KIF6: variants seen among roughly 807,000 people sequenced by gnomAD.
The protein encoded by KIF6 is kinesin family member 6.
In KIF6, 106 loss-of-function variants were observed where a neutral mutation model predicts 112.7. The observed-to-expected ratio is 0.94, with a 90% CI of 0.80 to 1.11. KIF6 has a LOEUF of 1.11. Among genes scored for constraint, KIF6 ranks in the 50% least tolerant of loss-of-function variants. The pLI, the probability that KIF6 is intolerant of heterozygous loss-of-function variation, is 0.00. For missense variants in KIF6, 929 were observed against 964.0 expected (o/e 0.96, Z 0.48); for synonymous variants, 339 against 339.9 (o/e 1.00, Z 0.03).
At chr6:39,340,365 G>T (rs1255663647) in intron 22 of KIF6, among the ~76,000 whole-genome samples, 3 of 152,114 alleles carry the variant, frequency 2.0e-5, no homozygotes, top group Non-Finnish European at 4.4e-5. Flanking sequence ...GTCAATGCTG[G>T]TTCCTGTTCC....
chr6:39,443,574 GCTGGGA>G (rs1393874637), intron 13 of KIF6, among the ~76,000 whole-genome samples: 1 of 152,016 alleles, frequency 6.6e-6, no homozygotes, highest in Non-Finnish European at 1.5e-5. Flanking sequence ...CTCCCAAGTA[GCTGGGA>G]CCAGAAGTGT....
At chr6:39,538,543 C>T (rs1778585764) in intron 13 of KIF6, among the ~76,000 whole-genome samples, 1 of 151,976 alleles carries the variant, frequency 6.6e-6, no homozygotes, top group Non-Finnish European at 1.5e-5. Flanking sequence ...GTTAGAATGG[C>T]CATCATTAAA....
chr6:39,387,475 C>T lies in KIF6; in HGVS notation c.1811-1803G>A, dbSNP rs114081702. On this transcript the variant is annotated intron_variant, in intron 15 of 22. Coordinates refer to ENST00000287152, the MANE Select transcript of KIF6 (RefSeq NM_145027.6). ...GTGCCTTGGTTTCCATGTGTCCCTACTGGAGAGAATTATGCATAGAGAGCG... is the reference window on the plus strand; with the variant it reads ...GTGCCTTGGTTTCCATGTGTCCCTATTGGAGAGAATTATGCATAGAGAGCG... Among the ~76,000 whole-genome samples, 880 of 152,238 alleles carry T rather than the reference C, an allele frequency of 5.8e-3. 11 individuals are homozygous for T. Among genetic ancestry groups the T allele is most frequent in the African/African-American group, 0.02 (820 of 41,528 alleles).
intron 6 of KIF6, among the ~76,000 whole-genome samples, chr6:39,602,483 T>C (rs1264816980): frequency 6.6e-6 from 1 of 152,172 alleles, no homozygotes; most frequent in East Asian, 1.9e-4. Flanking sequence ...GGACAGGGAC[T>C]GTGTCTTATG....
chr6:39,514,723 A>C (rs1478279663), intron 13 of KIF6, among the ~76,000 whole-genome samples: 1 of 152,324 alleles, frequency 6.6e-6, no homozygotes, highest in Admixed American at 6.5e-5. Context: ...CATTTATAAA[A>C]CTACTTGGAT....
intron 3 of KIF6, among the ~76,000 whole-genome samples, chr6:39,679,247 A>C (rs1321258216): frequency 6.6e-6 from 1 of 152,244 alleles, no homozygotes; most frequent in African/African-American, 2.4e-5. Context: ...ACATGAATTC[A>C]CATGGCCAAA....
chr6:39,681,814 G>T (rs566784967), intron 3 of KIF6, among the ~76,000 whole-genome samples: 7 of 152,156 alleles, frequency 4.6e-5, no homozygotes, highest in Non-Finnish European at 7.3e-5. Flanking sequence ...CCAATAGCAT[G>T]CCCCGTGGAA....
At chr6:39,358,631 T>C (rs1159792037) in intron 18 of KIF6, among the ~76,000 whole-genome samples, 1 of 152,242 alleles carries the variant, frequency 6.6e-6, no homozygotes, top group African/African-American at 2.4e-5. Flanking sequence ...GAAGGCCTCA[T>C]TCACTGATGA....
intron 9 of KIF6, among the ~76,000 whole-genome samples, chr6:39,579,503 T>A (rs7767357): frequency 1.9e-4 from 29 of 152,110 alleles, no homozygotes; most frequent in Non-Finnish European, 3.4e-4. Flanking sequence ...GCAATGCACC[T>A]GTTTTCTCTC....
chr6:39,664,362 T>C (rs1786329526), intron 3 of KIF6, among the ~76,000 whole-genome samples: 2 of 152,174 alleles, frequency 1.3e-5, no homozygotes, highest in South Asian at 4.1e-4. Flanking sequence ...ATTCTGAGAC[T>C]GAAAACTATT....
At chr6:39,633,462 G>C (rs1036129876) in intron 5 of KIF6, among the ~76,000 whole-genome samples, 3 of 152,150 alleles carry the variant, frequency 2.0e-5, no homozygotes, top group African/African-American at 7.2e-5. Context: ...TGTGGGCATT[G>C]GATTAAGTAA....
At chr6:39,360,906 T>C (rs557150530) in intron 17 of KIF6, among the ~76,000 whole-genome samples, 59 of 152,320 alleles carry the variant, frequency 3.9e-4, no homozygotes, top group African/African-American at 1.3e-3. Context: ...ACTATGATTA[T>C]CACCTCCATT....
At chr6:39,577,780 T>C (rs1781050286) in intron 10 of KIF6, among the ~76,000 whole-genome samples, 1 of 152,210 alleles carries the variant, frequency 6.6e-6, no homozygotes, top group Non-Finnish European at 1.5e-5. Flanking sequence ...GCATGACTAT[T>C]ATACAATTCC....
At chr6:39,401,097 C>CA (rs1354127778) in intron 15 of KIF6, among the ~76,000 whole-genome samples, 4 of 152,188 alleles carry the variant, frequency 2.6e-5, no homozygotes, top group Non-Finnish European at 5.9e-5. Flanking sequence ...GTTGCACGTA[C>CA]ATGAAGAAGA....
At position 39,337,175 on chromosome 6, in the gene KIF6, CTTTCTTTCTTT is replaced by C. The variant is rs1562102535; in HGVS notation, c.2429-638_2429-628del. Among the ~76,000 whole-genome samples the C allele has an allele frequency of 2.8e-3, 163 of 57,694 alleles. 4 individuals are homozygous for C. The highest frequency in any genetic ancestry group is 8.9e-3 in the Middle Eastern group (1 of 112). 37.8% of individuals were successfully genotyped at this position (57,694 alleles called of 152,430 possible). On this transcript the variant is annotated intron_variant, in intron 22 of 22. Transcript: ENST00000287152. ...CTTTCTTTTCTTTCTTTCCTTCCTTCTTTCTTTCTTTCTTTCTTTCTTTCTTTCTTTCTTTC... is the reference window on the plus strand; with the variant it reads ...CTTTCTTTTCTTTCTTTCCTTCCTTCCTTTCTTTCTTTCTTTCTTTCTTTC...
chr6:39,432,253 A>C (rs1771217680), intron 13 of KIF6, among the ~76,000 whole-genome samples: 1 of 152,218 alleles, frequency 6.6e-6, no homozygotes, highest in Non-Finnish European at 1.5e-5. Context: ...GGCATTTAGA[A>C]GGTGCTCAGC....
intron 13 of KIF6, among the ~76,000 whole-genome samples, chr6:39,499,885 C>G (rs954356149): frequency 3.3e-5 from 5 of 152,190 alleles, no homozygotes; most frequent in Admixed American, 2.6e-4. Flanking sequence ...TATAAGCTCC[C>G]TATCACAAGA....
intron 13 of KIF6, 28 bp downstream of exon 13, chr6:39,539,975 A>G (rs1778693525): frequency 6.5e-7 from 1 of 1,533,026 alleles, no homozygotes; most frequent in African/African-American, 1.4e-5. Flanking sequence ...ACAGACAATG[A>G]GAAATACTGG....
rs1252327428 is a variant in KIF6 at position 39,349,344 on chromosome 6, G to T, written c.2181-2818C>A. 3.3e-5 allele frequency among the ~76,000 whole-genome samples: 5 copies of T among 152,132 alleles called. No homozygotes were observed. The East Asian group carries it at 9.7e-4, about 29-fold the overall frequency. ...TTCCACCATGGACTCTCTCGGAGAT[G>T]CCGGCGGATAAAGGCTGGCAGCGGC... On this transcript the variant is annotated intron_variant, in intron 19 of 22. Transcript: ENST00000287152.
Sources: gnomAD v4.1 joint callset for allele counts (sites outside exome capture counted in the v4.1 genomes callset) on GRCh38, gnomAD v4.1.1 for gene constraint, MANE v1.5 for transcripts, NCBI Gene and HGNC (gene_info 2026-07-23, HGNC 2026-07-21) for gene names.